The following FRMPD4 variants were observed in gnomAD, a reference collection of about 807,000 sequenced individuals.
FRMPD4 encodes the protein FERM and PDZ domain-containing protein 4.
A neutral mutation model predicts 94.1 loss-of-function variants in FRMPD4; 22 were observed. The observed-to-expected ratio is 0.23, with a 90% CI of 0.17 to 0.33. The LOEUF is 0.33. FRMPD4 is among the 10% of genes least tolerant of loss of function. The pLI is 1.00. For missense variants in FRMPD4, 1,111 were observed against 1,339.9 expected (o/e 0.83, Z 2.67); for synonymous variants, 631 against 548.6 (o/e 1.15, Z -2.10).
intron 1 of FRMPD4, among the ~76,000 whole-genome samples, chrX:12,193,771 A>T (rs76788827): frequency 0.096 from 1,642 of 17,076 alleles, 101 homozygotes; most frequent in East Asian, 0.27. Flanking sequence ...AGAAAGAAAG[A>T]AAGGAAGGAA....
chrX:12,664,451 TTGAGA>T (rs1201235482), intron 4 of FRMPD4, among the ~76,000 whole-genome samples: 1 of 112,134 alleles, frequency 8.9e-6, no homozygotes, highest in Non-Finnish European at 1.9e-5. Context: ...TCTGCATGTA[TTGAGA>T]TAATCATGTG....
chrX:12,335,449 C>G (rs991845205), intron 1 of FRMPD4, among the ~76,000 whole-genome samples: 1 of 111,942 alleles, frequency 8.9e-6, no homozygotes, highest in African/African-American at 3.2e-5. Context: ...TCCTTCTTAA[C>G]TTGACATTTT....
intron 1 of FRMPD4, among the ~76,000 whole-genome samples, chrX:12,205,091 T>TAAA (rs11334075): frequency 1.3e-5 from 1 of 76,463 alleles, no homozygotes; most frequent in African/African-American, 4.8e-5. Flanking sequence ...AATCAAATGC[T>TAAA]AAAAAAAAAA....
At chrX:11,976,438 A>G (rs1290078900) in intron 3 of FRMPD4, among the ~76,000 whole-genome samples, 1 of 112,319 alleles carries the variant, frequency 8.9e-6, no homozygotes, top group African/African-American at 3.2e-5. Flanking sequence ...CTTCCTTTTC[A>G]ACAAAAGTCC....
chrX:12,328,279 A>G (rs1429396174), intron 1 of FRMPD4, among the ~76,000 whole-genome samples: 1 of 112,461 alleles, frequency 8.9e-6, no homozygotes, highest in Non-Finnish European at 1.9e-5. Flanking sequence ...AAAGATTTCT[A>G]AACTATAAAA....
chrX:12,246,669 C>CT (rs201577016), intron 1 of FRMPD4, among the ~76,000 whole-genome samples: 35,902 of 106,377 alleles, frequency 0.34, 4,806 homozygotes, highest in East Asian at 0.76. Flanking sequence ...AATTTCTGTT[C>CT]TTTTTTTTTT....
intron 1 of FRMPD4, among the ~76,000 whole-genome samples, chrX:12,471,034 A>C (rs1195425550): frequency 1.8e-5 from 2 of 112,219 alleles, no homozygotes; most frequent in Non-Finnish European, 3.8e-5. Context: ...TCTCCTGTTG[A>C]TGTTTTGTTC....
chrX:12,164,810 C>A (rs1409470060), intron 1 of FRMPD4, among the ~76,000 whole-genome samples: 1 of 112,609 alleles, frequency 8.9e-6, no homozygotes, highest in Non-Finnish European at 1.9e-5. Context: ...TGATGACAAG[C>A]ATTTTTTCAT....
At position 12,308,827 on chromosome X, in the gene FRMPD4, A is replaced by G. The variant is rs774999666; in HGVS notation, c.41+169815A>G. Among the ~76,000 whole-genome samples, 81 of 112,748 alleles carry G rather than the reference A, an allele frequency of 7.2e-4. 1 individual carries two copies. Among genetic ancestry groups the G allele is most frequent in the African/African-American group, 2.5e-3 (78 of 31,056 alleles). ...TGGGGGATGGCTTAATTATATGAAC[A>G]TAAATGTTTTGTTTTAATAAAAATC... is the stretch of plus-strand genomic sequence containing the variant. On this transcript the variant is annotated intron_variant, in intron 1 of 16. Transcript: ENST00000675598.
chrX:12,466,849 T>C (rs1224715673), intron 1 of FRMPD4, among the ~76,000 whole-genome samples: 1 of 111,953 alleles, frequency 8.9e-6, no homozygotes, highest in African/African-American at 3.2e-5. Context: ...GGTAGCTAGG[T>C]TGACATATTG....
intron 3 of FRMPD4, among the ~76,000 whole-genome samples, chrX:12,018,030 A>C (rs184297908): frequency 5.2e-4 from 58 of 111,708 alleles, no homozygotes; most frequent in African/African-American, 1.9e-3. Context: ...TGTAACTAAG[A>C]TAATGAGAGC....
intron 1 of FRMPD4, among the ~76,000 whole-genome samples, chrX:12,434,091 G>A (rs915550595): frequency 8.9e-6 from 1 of 111,991 alleles, no homozygotes; most frequent in Non-Finnish European, 1.9e-5. Flanking sequence ...GAAGCTGATG[G>A]TAGATCTCAG....
intron 3 of FRMPD4, among the ~76,000 whole-genome samples, chrX:12,005,195 A>G (rs5933950): frequency 0.052 from 5,559 of 107,056 alleles, 254 homozygotes; most frequent in East Asian, 0.15. Context: ...TAGAGTGCTT[A>G]AGAATCATCT....
chrX:12,686,389 GA>G (rs1375961210), intron 7 of FRMPD4, among the ~76,000 whole-genome samples, 185 bp downstream of exon 7: 2 of 112,042 alleles, frequency 1.8e-5, no homozygotes, highest in Non-Finnish European at 3.8e-5. Flanking sequence ...CTTAAACCAA[GA>G]AGGCTCTGCT....
At chrX:12,396,809 C>T (rs2056547857) in intron 1 of FRMPD4, among the ~76,000 whole-genome samples, 1 of 112,018 alleles carries the variant, frequency 8.9e-6, no homozygotes, top group Admixed American at 9.5e-5. Context: ...GCCAACATTG[C>T]ATTTTTTCTA....
At chrX:11,922,368 C>T (rs1372205005) in intron 3 of FRMPD4, among the ~76,000 whole-genome samples, 3 of 111,378 alleles carry the variant, frequency 2.7e-5, no homozygotes, top group Non-Finnish European at 5.7e-5. Flanking sequence ...AAGTCACTGA[C>T]GATCACAAGG....
chrX:12,459,161 G>A (rs763267675), intron 1 of FRMPD4, among the ~76,000 whole-genome samples: 2 of 110,366 alleles, frequency 1.8e-5, no homozygotes, highest in Non-Finnish European at 3.8e-5. Context: ...AGCCTCAAGC[G>A]TGGGGATTTG....
rs749269384 is a variant in FRMPD4, at chrX:12,560,742, C to CTTTTTTTTT, written c.159-48942_159-48934dup. 3.2e-4 allele frequency among the ~76,000 whole-genome samples: 14 copies of CTTTTTTTTT among 43,449 alleles called. 3 individuals carry two copies. Among genetic ancestry groups the CTTTTTTTTT allele is most frequent in the Non-Finnish European group, 3.8e-4 (9 of 23,494 alleles). 37.7% of individuals were successfully genotyped at this position (43,449 alleles called of 115,157 possible). On this transcript the variant is annotated intron_variant, in intron 2 of 16. Coordinates refer to ENST00000675598, the MANE Select transcript of FRMPD4 (RefSeq NM_001368397.1). ...CCCTAGTGTATGCACCTCCCCTCAT[C>CTTTTTTTTT]TTTTTTTTTTTTTTTTTTTTTTTTT... is the stretch of plus-strand genomic sequence containing the variant.
chrX:12,204,208 A>C (rs1218351615), intron 1 of FRMPD4, among the ~76,000 whole-genome samples: 1 of 112,472 alleles, frequency 8.9e-6, no homozygotes, highest in African/African-American at 3.2e-5. Context: ...TTGAGGTCAG[A>C]GATGCTACGC....
Sources: allele counts gnomAD v4.1 joint callset (sites outside exome capture counted in the v4.1 genomes callset), GRCh38; gene constraint gnomAD v4.1.1; transcripts MANE v1.5; gene names NCBI Gene and HGNC (gene_info 2026-07-23, HGNC 2026-07-21).